The following TENM3 variants were observed in gnomAD, a reference collection of about 807,000 sequenced individuals.
The protein encoded by TENM3 is teneurin-3.
A neutral mutation model predicts 255.1 loss-of-function variants in TENM3; 63 were observed. That is an observed-to-expected ratio of 0.25 (90% CI 0.20 to 0.30). The LOEUF (loss-of-function observed/expected upper bound fraction) is 0.30, where lower values mean the gene tolerates loss of function less well. Ranked by LOEUF, TENM3 falls within the 10% of genes least tolerant of loss-of-function variation. The pLI is 1.00. For synonymous variants in TENM3, 1,306 were observed against 1,322.3 expected (o/e 0.99, Z 0.27); for missense variants, 2,929 against 3,461.1 (o/e 0.85, Z 3.86).
chr4:182,747,603 G>A (rs2309695), intron 19 of TENM3, among the ~76,000 whole-genome samples: 1 of 152,194 alleles, frequency 6.6e-6, no homozygotes, highest in Non-Finnish European at 1.5e-5. Context: ...CTCACACATT[G>A]CAAAATTTAA....
intron 4 of TENM3, among the ~76,000 whole-genome samples, chr4:182,620,856 G>C (rs1476806000): frequency 6.6e-6 from 1 of 151,774 alleles, no homozygotes; most frequent in Non-Finnish European, 1.5e-5. Flanking sequence ...ACCCTCCTGA[G>C]TAGCTGGGGC....
intron 3 of TENM3, among the ~76,000 whole-genome samples, chr4:182,417,129 A>G (rs920156928): frequency 1.5e-4 from 22 of 151,494 alleles, no homozygotes; most frequent in Non-Finnish European, 2.5e-4. Flanking sequence ...GCCTGCCACC[A>G]CGCCCAGCTA....
chr4:182,135,367 G>A, the TENM3 span, among the ~76,000 whole-genome samples: 1 of 152,052 alleles, frequency 6.6e-6, no homozygotes, highest in Non-Finnish European at 1.5e-5. Flanking sequence ...TTTAAGCAAA[G>A]AAAGAAAGAA....
chr4:181,970,564 TCAGTG>T, the TENM3 span, among the ~76,000 whole-genome samples: 1 of 152,232 alleles, frequency 6.6e-6, no homozygotes, highest in African/African-American at 2.4e-5. Context: ...TTTTCCACCA[TCAGTG>T]ATTCATAACC....
the TENM3 span, among the ~76,000 whole-genome samples, chr4:181,534,710 G>A: frequency 6.6e-6 from 1 of 152,050 alleles, no homozygotes; most frequent in East Asian, 1.9e-4. Flanking sequence ...TTATTTCAGG[G>A]CAGAAACCCC....
intron 3 of TENM3, among the ~76,000 whole-genome samples, chr4:182,547,024 G>A (rs781678285): frequency 2.6e-5 from 4 of 152,106 alleles, no homozygotes; most frequent in Non-Finnish European, 5.9e-5. Context: ...TTTTACAAAA[G>A]AAATATCTCC....
At position 182,160,128 on chromosome 4, in the gene TENM3, G is replaced by A. The variant is rs1039807352; in HGVS notation, c.-76+15374G>A. 4.0e-5 allele frequency among the ~76,000 whole-genome samples: 6 copies of A among 149,914 alleles called. No individual in the cohort carries two copies. In the East Asian group the frequency reaches 9.8e-4, roughly 24 times the overall value. On this transcript the variant is annotated intron_variant, in intron 1 of 2. Transcript: ENST00000512480. ...CGCCATTCTCCTGCCTCAGCCTCCC[G>A]AGTAGCTGGGACTACAGGCGCCCGC...
the TENM3 span, among the ~76,000 whole-genome samples, chr4:181,553,693 G>A: frequency 1.3e-5 from 2 of 151,892 alleles, no homozygotes; most frequent in Admixed American, 6.6e-5. Flanking sequence ...TGCCCGCCTC[G>A]GCCTCCCAAA....
chr4:182,407,266 T>A (rs1769647231), intron 3 of TENM3, among the ~76,000 whole-genome samples: 1 of 152,152 alleles, frequency 6.6e-6, no homozygotes, highest in Non-Finnish European at 1.5e-5. Flanking sequence ...GAAAACCAAT[T>A]TTTTACTTCT....
intron 3 of TENM3, among the ~76,000 whole-genome samples, chr4:182,498,469 A>T (rs1216203168): frequency 6.6e-6 from 1 of 152,058 alleles, no homozygotes; most frequent in Non-Finnish European, 1.5e-5. Context: ...TTTCACCGAG[A>T]TGGTACCCAA....
the TENM3 span, among the ~76,000 whole-genome samples, chr4:181,622,989 A>G: frequency 6.6e-6 from 1 of 152,218 alleles, no homozygotes; most frequent in African/African-American, 2.4e-5. Context: ...TTTTAGAAAT[A>G]ACTTGTAGAA....
chr4:182,394,813 C>T (rs901057534), intron 3 of TENM3, among the ~76,000 whole-genome samples: 3 of 152,290 alleles, frequency 2.0e-5, no homozygotes, highest in Middle Eastern at 3.4e-3. Context: ...CAAGTATTCG[C>T]TAATGTGGCA....
chr4:181,522,610 C>G, the TENM3 span: 1 of 492,524 alleles, frequency 2.0e-6, no homozygotes, highest in Non-Finnish European at 3.8e-6. Context: ...AATCCAGCAT[C>G]TATTCTTCTT....
At chr4:181,684,691 T>G in the TENM3 span, among the ~76,000 whole-genome samples, 1 of 152,192 alleles carries the variant, frequency 6.6e-6, no homozygotes, top group Non-Finnish European at 1.5e-5. Context: ...AAAAGTGGTG[T>G]ATGCAATACC....
chr4:181,481,632 C>G, the TENM3 span, among the ~76,000 whole-genome samples: 2 of 152,122 alleles, frequency 1.3e-5, no homozygotes, highest in African/African-American at 4.8e-5. Context: ...AACCAGAAAG[C>G]TAACAATCTA....
chr4:181,560,875 C>T, the TENM3 span, among the ~76,000 whole-genome samples: 1 of 152,166 alleles, frequency 6.6e-6, no homozygotes, highest in Admixed American at 6.5e-5. Context: ...GGGCATGGCT[C>T]TAAAGCTTTT....
chr4:182,792,283 C>G lies in TENM3; in HGVS notation c.5611C>G (p.Leu1871Val). ...SYTYLEKSMV[L>V]LLHSQRQYIF... is the part of the protein sequence containing the mutation. ...TGTTCTCTCTTTACAGTCCATGGTT[C>G]TTCTGCTTCATAGCCAGCGGCAGTA... is the stretch of plus-strand genomic sequence containing the variant. Residue 1871 changes from leucine to valine, a missense_variant, in exon 26 of 28, where the codon CTT becomes GTT. Physicochemically the swap from Leu to Val is conservative, Grantham distance 32. Coordinates refer to ENST00000511685, the MANE Select transcript of TENM3 (RefSeq NM_001080477.4). This position sits in a 1 kb window ranked among gnomAD's most constrained non-coding sequence, Gnocchi z 6.3. The G allele has an allele frequency of 1.2e-6, 2 of 1,613,296 alleles. No individual in the cohort carries two copies. The highest frequency in any genetic ancestry group is 2.2e-5 in the South Asian group (2 of 91,048).
At chr4:182,588,539 T>C (rs1746279038) in intron 3 of TENM3, among the ~76,000 whole-genome samples, 1 of 152,116 alleles carries the variant, frequency 6.6e-6, no homozygotes, top group Admixed American at 6.5e-5. Flanking sequence ...AATAAGGTAA[T>C]AAGGGGAGAG....
the TENM3 span, among the ~76,000 whole-genome samples, chr4:181,885,387 C>G: frequency 6.6e-6 from 1 of 152,210 alleles, no homozygotes; most frequent in East Asian, 1.9e-4. Flanking sequence ...CTCAGCCTCC[C>G]GAGTAGCTGG....
Sources: allele counts gnomAD v4.1 joint callset (sites outside exome capture counted in the v4.1 genomes callset), GRCh38; gene constraint gnomAD v4.1.1; non-coding constraint Gnocchi (gnomAD v3.1); transcripts MANE v1.5; gene names NCBI Gene and HGNC (gene_info 2026-07-23, HGNC 2026-07-21).